Variants in EXT2 observed in about 807,000 individuals in gnomAD.
The protein encoded by EXT2 is exostosin glycosyltransferase 2, also known as exostosin-2.
Under a neutral mutation model 81.6 loss-of-function variants are expected in EXT2, and 53 were observed. The observed-to-expected ratio is 0.65, with a 90% CI of 0.52 to 0.82. The LOEUF is 0.82. Ranked by LOEUF, EXT2 falls within the 40% of genes least tolerant of loss-of-function variation. EXT2 has a pLI of 0.00. For synonymous variants in EXT2, 320 were observed against 340.0 expected (o/e 0.94, Z 0.65); for missense variants, 774 against 910.2 (o/e 0.85, Z 1.93).
intron 7 of EXT2, among the ~76,000 whole-genome samples, chr11:44,166,209 G>T (rs1327350986): frequency 6.6e-6 from 1 of 152,218 alleles, no homozygotes; most frequent in Non-Finnish European, 1.5e-5. Flanking sequence ...GTATGGCAAA[G>T]GCTGTAAGGG....
At chr11:44,198,181 C>T (rs1955481268) in intron 9 of EXT2, 163 bp downstream of exon 9, 3 of 744,096 alleles carry the variant, frequency 4.0e-6, no homozygotes, top group Non-Finnish European at 6.8e-6. Flanking sequence ...TCTAGGGTGG[C>T]CCATTTAACT....
chr11:44,097,773 T>TA (rs1953921484), intron 1 of EXT2, among the ~76,000 whole-genome samples: 1 of 57,416 alleles, frequency 1.7e-5, no homozygotes, highest in African/African-American at 6.8e-5. Flanking sequence ...AATAAATAAA[T>TA]AAATAAATAA....
At chr11:44,228,133 T>A (rs1189540424) in intron 10 of EXT2, among the ~76,000 whole-genome samples, 1 of 152,218 alleles carries the variant, frequency 6.6e-6, no homozygotes, top group African/African-American at 2.4e-5. Flanking sequence ...GAGTTTTTTA[T>A]AACAGAGATA....
intron 13 of EXT2, among the ~76,000 whole-genome samples, chr11:44,240,627 C>T (rs555917738): frequency 6.6e-5 from 10 of 151,892 alleles, no homozygotes; most frequent in East Asian, 5.8e-4. Flanking sequence ...GAGTATGAGT[C>T]GACAGTGAGG....
intron 7 of EXT2, among the ~76,000 whole-genome samples, chr11:44,158,791 C>G (rs1393273661): frequency 6.6e-6 from 1 of 151,786 alleles, no homozygotes; most frequent in Admixed American, 6.6e-5. Flanking sequence ...GACAAATTTC[C>G]TCAATTTTTT....
intron 10 of EXT2, among the ~76,000 whole-genome samples, chr11:44,214,023 A>T (rs971737902): frequency 7.2e-5 from 11 of 152,236 alleles, no homozygotes; most frequent in African/African-American, 2.7e-4. Context: ...ATATATATAC[A>T]TAAGGAAAGG....
intron 6 of EXT2, 135 bp downstream of exon 6, chr11:44,127,090 G>A (rs1451757268): frequency 8.3e-7 from 1 of 1,208,324 alleles, no homozygotes; most frequent in Admixed American, 1.9e-5. Flanking sequence ...TCCATTAGGA[G>A]AGTTAGTACA....
rs1412570738 is a variant in EXT2, at chr11:44,220,382, A to G, written c.1663-11971A>G. Among the ~76,000 whole-genome samples, 3 of 152,218 alleles carry G rather than the reference A, an allele frequency of 2.0e-5. No homozygotes were observed. The highest frequency in any genetic ancestry group is 7.2e-5 in the African/African-American group (3 of 41,460). ...CCGAGTACCTTTCCTTAGCCTGGCC[A>G]TAATGTCAGTACAGTATTGAAAAGA... On this transcript the variant is annotated intron_variant, in intron 10 of 13. Coordinates refer to ENST00000533608, the MANE Select transcript of EXT2 (RefSeq NM_207122.2). This position sits in a 1 kb window ranked among gnomAD's most constrained non-coding sequence, Gnocchi z 4.4.
chr11:44,203,331 G>C (rs1413515845), intron 9 of EXT2, among the ~76,000 whole-genome samples: 1 of 152,132 alleles, frequency 6.6e-6, no homozygotes, highest in Non-Finnish European at 1.5e-5. Flanking sequence ...AATAAACTTG[G>C]GAGAGCCCCT....
intron 10 of EXT2, among the ~76,000 whole-genome samples, 164 bp downstream of exon 10, chr11:44,207,123 T>C (rs551644007): frequency 6.6e-6 from 1 of 152,348 alleles, no homozygotes; most frequent in South Asian, 2.1e-4. Context: ...TATGAAGCTG[T>C]TCTTTGAAGC....
rs1048723093 is a variant in EXT2 at position 44,246,959 on chromosome 11, A to T, written c.*2672A>T. On this transcript the variant is annotated 3_prime_UTR_variant, in exon 14 of 14. Coordinates refer to ENST00000533608, the MANE Select transcript of EXT2 (RefSeq NM_207122.2). ...AGAAACACATCTTACTGGCCTATAG[A>T]GAAGACGAACTTGAACTGGCCCTGG... Among the ~76,000 whole-genome samples, 4 of 152,266 alleles carry T rather than the reference A, an allele frequency of 2.6e-5. No homozygotes were observed. Among genetic ancestry groups the T allele is most frequent in the Non-Finnish European group, 4.4e-5 (3 of 68,048 alleles).
intron 1 of EXT2, 99 bp downstream of exon 1, chr11:44,095,951 G>A: frequency 2.4e-6 from 1 of 411,922 alleles, no homozygotes; most frequent in East Asian, 5.7e-5. Context: ...CCGAGGGAGC[G>A]CGGCCGCGCG....
At chr11:44,224,940 G>A (rs1426059519) in intron 10 of EXT2, among the ~76,000 whole-genome samples, 1 of 152,156 alleles carries the variant, frequency 6.6e-6, no homozygotes, top group African/African-American at 2.4e-5. Context: ...CACTGGTTGT[G>A]TAGGATTTAA....
chr11:44,163,742 C>T (rs1590610371), intron 7 of EXT2, among the ~76,000 whole-genome samples: 1 of 151,854 alleles, frequency 6.6e-6, no homozygotes. Context: ...CTTGAATCTC[C>T]TCATTTGCTA....
At chr11:44,217,769 T>A (rs76094371) in intron 10 of EXT2, among the ~76,000 whole-genome samples, 2,518 of 152,266 alleles carry the variant, frequency 0.017, 37 homozygotes, top group South Asian at 0.039. Flanking sequence ...CCCTCCTCCA[T>A]CTTTGAGAGA....
chr11:44,104,355 T>C (rs1479155475), intron 1 of EXT2, among the ~76,000 whole-genome samples: 1 of 152,226 alleles, frequency 6.6e-6, no homozygotes, highest in Non-Finnish European at 1.5e-5. Flanking sequence ...TACACACATA[T>C]ATATATCTGT....
At chr11:44,203,716 A>G (rs778127828) in intron 9 of EXT2, among the ~76,000 whole-genome samples, 13 of 152,094 alleles carry the variant, frequency 8.5e-5, no homozygotes, top group Non-Finnish European at 1.3e-4. Context: ...GCTAGAGACA[A>G]GTGCCCCTGC....
At chr11:44,148,307 A>G (rs535396200) in intron 7 of EXT2, among the ~76,000 whole-genome samples, 8 of 152,338 alleles carry the variant, frequency 5.3e-5, no homozygotes, top group Admixed American at 4.6e-4. Context: ...TGGACACATA[A>G]CAGTCCTTGC....
rs1956071956 is a variant in EXT2, at chr11:44,244,230, G to A, written c.2100G>A (p.Leu700=). 4 of 1,614,046 alleles carry A rather than the reference G, an allele frequency of 2.5e-6. No individual in the cohort carries two copies. The highest frequency in any genetic ancestry group is 1.7e-6 in the Non-Finnish European group (2 of 1,179,982). The change falls in exon 14 of 14, where the codon CTG becomes CTA. Residue 700 remains leucine (L), a synonymous_variant. Transcript: ENST00000533608. ...KVVEHRADPV[L]YKDDFPEKLK... Reference sequence around the variant, plus strand: ...TGGAACACCGAGCTGACCCTGTCCTGTACAAAGATGACTTTCCTGAGAAGC... The same window carrying A: ...TGGAACACCGAGCTGACCCTGTCCTATACAAAGATGACTTTCCTGAGAAGC...
Sources: allele counts gnomAD v4.1 joint callset (sites outside exome capture counted in the v4.1 genomes callset), GRCh38; gene constraint gnomAD v4.1.1; non-coding constraint Gnocchi (gnomAD v3.1); transcripts MANE v1.5; gene names NCBI Gene and HGNC (gene_info 2026-07-23, HGNC 2026-07-21).